Variants in COL19A1 observed in about 807,000 individuals in gnomAD.
COL19A1 encodes the protein collagen type XIX alpha 1 chain, also known as collagen alpha-1(XIX) chain.
Under a neutral mutation model 190.2 loss-of-function variants are expected in COL19A1, and 159 were observed. That is an observed-to-expected ratio of 0.84 (90% confidence interval 0.73 to 0.95). COL19A1 has a LOEUF of 0.95. COL19A1 is among the 40% of genes least tolerant of loss of function. The pLI, the probability that COL19A1 is intolerant of heterozygous loss-of-function variation, is 0.00. For synonymous variants in COL19A1, 509 were observed against 458.9 expected (o/e 1.11, Z -1.39); for missense variants, 1,418 against 1,431.9 (o/e 0.99, Z 0.16).
At chr6:69,875,957 A>G (rs1455770318) in intron 1 of COL19A1, among the ~76,000 whole-genome samples, 3 of 152,190 alleles carry the variant, frequency 2.0e-5, no homozygotes, top group Admixed American at 6.5e-5. Flanking sequence ...CACAGATCCC[A>G]GTATTAAGAA....
Position 70,156,328 on chromosome 6 carries a change from C to T in COL19A1, c.2197C>T (p.Pro733Ser), listed in dbSNP as rs139579535. The T allele has an allele frequency of 3.9e-4, 633 of 1,613,262 alleles. 4 individuals carry two copies. In the African/African-American group the frequency reaches 5.8e-3, roughly 15 times the overall value. ...DSMARKGDIG[P>S]RGPPGIPGRE... is the part of the protein sequence containing the mutation. ...CTCTGTCTTCTAGGGTGATATAGGG[C>T]CACGGGGTCCTCCAGGAATCCCAGG... The change falls in exon 33 of 51, where the codon CCA (proline) becomes TCA (serine). Residue 733 changes from proline (P) to serine (S), a missense_variant. Coordinates refer to ENST00000620364, the MANE Select transcript of COL19A1 (RefSeq NM_001858.6).
At chr6:70,100,679 A>G (rs906549345) in intron 15 of COL19A1, among the ~76,000 whole-genome samples, 2 of 151,810 alleles carry the variant, frequency 1.3e-5, no homozygotes, top group Non-Finnish European at 2.9e-5. Flanking sequence ...TATTTTTAGT[A>G]GAAATGAGGT....
chr6:70,168,059 G>C lies in COL19A1; in HGVS notation c.2480G>C (p.Ser827Thr), dbSNP rs771433344. 19 of 1,597,768 alleles carry C rather than the reference G, an allele frequency of 1.2e-5. 1 individual carries two copies. In the South Asian group the frequency reaches 2.1e-4, roughly 18 times the overall value. The change falls in exon 38 of 51, where the codon AGT (serine) becomes ACT (threonine). Residue 827 changes from serine (S) to threonine (T), a missense_variant. Transcript: ENST00000620364. Reference protein sequence around the residue: ...IPFNERNGMSSLYKIKGGVNV... With the variant: ...IPFNERNGMSTLYKIKGGVNV... ...TTTAATGAACGAAACGGCATGAGCA[G>C]TTTATATAAAATTAAGGTATTTATA...
At chr6:70,182,211 A>T (rs574201414) in intron 44 of COL19A1, among the ~76,000 whole-genome samples, 25 of 152,320 alleles carry the variant, frequency 1.6e-4, no homozygotes, top group African/African-American at 6.0e-4. Context: ...TAGGATGTAC[A>T]TTGAAGAGAG....
intron 37 of COL19A1, among the ~76,000 whole-genome samples, chr6:70,167,025 C>T (rs1216748435): frequency 1.3e-5 from 2 of 152,202 alleles, no homozygotes; most frequent in Non-Finnish European, 2.9e-5. Context: ...CCCTGGGAAA[C>T]CTCCTTTGGA....
chr6:69,891,044 G>T (rs1769310831), intron 2 of COL19A1: 5 of 364,434 alleles, frequency 1.4e-5, no homozygotes, highest in South Asian at 7.0e-5. Flanking sequence ...CCAGTTGCAT[G>T]ACCATTTGGA....
chr6:69,965,258 C>A (rs1775025593), intron 11 of COL19A1, among the ~76,000 whole-genome samples: 1 of 152,172 alleles, frequency 6.6e-6, no homozygotes, highest in Non-Finnish European at 1.5e-5. Flanking sequence ...AAATACAATT[C>A]AGGACATTGT....
intron 1 of COL19A1, 21 bp from the exon 2 acceptor site, chr6:69,879,515 A>AT (rs878981757): frequency 0.034 from 36,239 of 1,076,004 alleles, no homozygotes; most frequent in South Asian, 0.041. Flanking sequence ...CTTTATTCAA[A>AT]TTTTTTTTTT....
chr6:70,095,990 T>A (rs182964783), intron 15 of COL19A1, among the ~76,000 whole-genome samples: 1 of 152,318 alleles, frequency 6.6e-6, no homozygotes, highest in East Asian at 1.9e-4. Context: ...AATACTGCTA[T>A]GAACATGGGT....
At chr6:70,039,761 T>G (rs1002053545) in intron 14 of COL19A1, among the ~76,000 whole-genome samples, 3 of 93,094 alleles carry the variant, frequency 3.2e-5, no homozygotes, top group Admixed American at 9.8e-5. Flanking sequence ...GGAAGTATTG[T>G]TTTTTTTTTT....
intron 2 of COL19A1, among the ~76,000 whole-genome samples, chr6:69,894,218 T>C (rs1769561155): frequency 6.6e-6 from 1 of 152,238 alleles, no homozygotes; most frequent in Non-Finnish European, 1.5e-5. Context: ...TTATGTGTTA[T>C]AATAGTAATT....
intron 40 of COL19A1, among the ~76,000 whole-genome samples, chr6:70,170,966 T>C (rs1765462650): frequency 6.6e-6 from 1 of 152,190 alleles, no homozygotes; most frequent in Admixed American, 6.5e-5. Context: ...TAAGAAAATA[T>C]TTGCAGTGAA....
At chr6:69,923,074 T>G (rs1772099419) in intron 4 of COL19A1, among the ~76,000 whole-genome samples, 1 of 152,144 alleles carries the variant, frequency 6.6e-6, no homozygotes, top group Non-Finnish European at 1.5e-5. Context: ...CAAAACTTAG[T>G]GGCTAAAAAT....
chr6:70,060,797 AT>A (rs1177344718), intron 14 of COL19A1, among the ~76,000 whole-genome samples: 1 of 152,178 alleles, frequency 6.6e-6, no homozygotes. Context: ...GCACAAAAAA[AT>A]ATAATGTGCT....
chr6:70,161,556 C>T lies in COL19A1; in HGVS notation c.2293-344C>T, dbSNP rs572054287. Among the ~76,000 whole-genome samples the T allele has an allele frequency of 4.6e-5, 7 of 152,074 alleles. 1 individual carries two copies. Among genetic ancestry groups the T allele is most frequent in the East Asian group, 1.9e-4 (1 of 5,164 alleles). On this transcript the variant is annotated intron_variant, in intron 34 of 50. Coordinates refer to ENST00000620364, the MANE Select transcript of COL19A1 (RefSeq NM_001858.6). ...AAAGCATACAGAGTGATATAATGGA[C>T]GTTGGAGGCCCAGAAGTGAGGAGTA...
chr6:70,056,304 C>G (rs1425033181), intron 14 of COL19A1, among the ~76,000 whole-genome samples: 1 of 152,106 alleles, frequency 6.6e-6, no homozygotes, highest in East Asian at 1.9e-4. Flanking sequence ...AATTATTTCC[C>G]TAAGAATTAT....
chr6:69,927,167 C>T (rs1772453140), intron 4 of COL19A1, among the ~76,000 whole-genome samples: 2 of 151,960 alleles, frequency 1.3e-5, no homozygotes, highest in African/African-American at 2.4e-5. Context: ...CAAACAATGA[C>T]ATAAAAAGCA....
rs553226953 is a variant in COL19A1, at chr6:70,034,370, T to C, written c.1134+72T>C. The stretch of plus-strand genomic sequence containing the variant: ...TGACAACCTATGCAGTGACTTCTCA[T>C]TGATACTGTTTATCTCCTAAAAGCA... On this transcript the variant is annotated intron_variant, in intron 13 of 50. Transcript: ENST00000620364. 7.0e-6 allele frequency: 8 copies of C among 1,137,964 alleles called. No homozygotes were observed. In the African/African-American group the frequency reaches 9.2e-5, roughly 13 times the overall value. 70.5% of individuals were successfully genotyped at this position (1,137,964 alleles called of 1,614,324 possible). A position where few individuals can be genotyped will look rare whatever the true frequency, so the allele number is the denominator to read the frequency against.
intron 4 of COL19A1, among the ~76,000 whole-genome samples, chr6:69,919,778 T>C (rs2149996867): frequency 6.6e-6 from 1 of 152,290 alleles, no homozygotes; most frequent in East Asian, 1.9e-4. Flanking sequence ...AATATTGTCA[T>C]AGGTATGTTT....
Sources: gnomAD v4.1 joint callset for allele counts (sites outside exome capture counted in the v4.1 genomes callset) on GRCh38, gnomAD v4.1.1 for gene constraint, MANE v1.5 for transcripts, NCBI Gene and HGNC (gene_info 2026-07-23, HGNC 2026-07-21) for gene names.